Variants in RSF1 observed in about 807,000 individuals in gnomAD.
The protein encoded by RSF1 is remodeling and spacing factor 1, also known as HBV pX-associated protein 8.
A neutral mutation model predicts 145.2 loss-of-function variants in RSF1; 13 were observed. That is an observed-to-expected ratio of 0.09 (90% CI 0.06 to 0.14). RSF1 has a LOEUF of 0.14. Among genes scored for constraint, RSF1 ranks in the 10% least tolerant of loss-of-function variants. The pLI is 1.00. For missense variants in RSF1, 1,517 were observed against 1,718.2 expected (o/e 0.88, Z 2.07); for synonymous variants, 577 against 592.6 (o/e 0.97, Z 0.38).
intron 2 of RSF1, chr11:77,762,710 G>A (rs1360091534): frequency 6.6e-6 from 1 of 152,188 alleles, no homozygotes; most frequent in Non-Finnish European, 1.5e-5. Context: ...GAAGGCTTAG[G>A]TTGGTAATGT....
upstream of RSF1, among the ~76,000 whole-genome samples, chr11:77,821,968 A>C (rs1948928197): frequency 6.6e-6 from 1 of 152,132 alleles, no homozygotes; most frequent in South Asian, 2.1e-4. Flanking sequence ...TACTAGATAA[A>C]TCACAGTAAA....
intron 3 of RSF1, among the ~76,000 whole-genome samples, chr11:77,743,052 C>G (rs1947958667): frequency 6.6e-6 from 1 of 152,148 alleles, no homozygotes; most frequent in Non-Finnish European, 1.5e-5. Flanking sequence ...AACTGACCAT[C>G]AATACATGAG....
chr11:77,755,782 G>T (rs911292024), intron 2 of RSF1, among the ~76,000 whole-genome samples: 17 of 152,052 alleles, frequency 1.1e-4, no homozygotes, highest in African/African-American at 4.1e-4. Context: ...GTTTCACCAT[G>T]TTGGCCAGGC....
At chr11:77,833,232 T>A in the RSF1 span, among the ~76,000 whole-genome samples, 1 of 151,754 alleles carries the variant, frequency 6.6e-6, no homozygotes, top group Non-Finnish European at 1.5e-5. Context: ...GCTGTTTATT[T>A]TTATTATTAT....
Position 77,722,156 on chromosome 11 carries a change from G to A in RSF1, c.733+3389C>T, listed in dbSNP as rs540862888. On this transcript the variant is annotated intron_variant, in intron 5 of 15. Coordinates refer to ENST00000308488, the MANE Select transcript of RSF1 (RefSeq NM_016578.4). ...GATTGCACTACTGCACTCCAGCCCG[G>A]GTGACAGAGTGAGACTGTCTCTAAA... Among the ~76,000 whole-genome samples, 3 of 152,242 alleles carry A rather than the reference G, an allele frequency of 2.0e-5. No individual in the cohort carries two copies. The South Asian group carries it at 6.2e-4, about 32-fold the overall frequency.
intron 1 of RSF1, among the ~76,000 whole-genome samples, chr11:77,820,135 G>C (rs12788491): frequency 6.6e-6 from 1 of 152,162 alleles, no homozygotes. Context: ...GGGAGGAGGA[G>C]AAAAGCGCAA....
At chr11:77,796,635 C>T (rs1336300860) in intron 1 of RSF1, among the ~76,000 whole-genome samples, 1 of 152,174 alleles carries the variant, frequency 6.6e-6, no homozygotes, top group Non-Finnish European at 1.5e-5. Flanking sequence ...TCCTATTCAA[C>T]ATAGTATTGG....
chr11:77,673,534 A>G (rs942231448), intron 14 of RSF1, among the ~76,000 whole-genome samples: 4 of 152,242 alleles, frequency 2.6e-5, no homozygotes, highest in East Asian at 1.9e-4. Context: ...ACTGATCAGA[A>G]TAAGAATCCA....
At position 77,734,858 on chromosome 11, in the gene RSF1, G is replaced by C. The variant is rs560282034; in HGVS notation, c.578+5873C>G. 1.3e-5 allele frequency: 21 copies of C among 1,586,624 alleles called. No individual in the cohort carries two copies. The African/African-American group carries it at 2.7e-4, about 20-fold the overall frequency. On this transcript the variant is annotated intron_variant, in intron 4 of 15. Transcript: ENST00000308488. The stretch of plus-strand genomic sequence containing the variant: ...TCCCTCTCCTCATGAGATTGGTGAA[G>C]AAAGTATTTGGCAAAGTTCTTCAAA...
At chr11:77,736,267 T>C (rs77017136) in intron 4 of RSF1, among the ~76,000 whole-genome samples, 1 of 152,376 alleles carries the variant, frequency 6.6e-6, no homozygotes, top group East Asian at 1.9e-4. Context: ...GCCTTTGAGA[T>C]ATTCTTCTAC....
intron 1 of RSF1, among the ~76,000 whole-genome samples, chr11:77,792,918 GGAT>G (rs1302717800): frequency 1.3e-5 from 2 of 152,060 alleles, no homozygotes; most frequent in African/African-American, 4.8e-5. Flanking sequence ...GGAAGTCAAA[GGAT>G]GATATTTACC....
chr11:77,691,456 C>G (rs1002070969), intron 8 of RSF1, among the ~76,000 whole-genome samples: 1 of 152,136 alleles, frequency 6.6e-6, no homozygotes, highest in Non-Finnish European at 1.5e-5. Context: ...AAACATACAG[C>G]TTTGCCAAAA....
the RSF1 span, among the ~76,000 whole-genome samples, chr11:77,860,792 G>C: frequency 6.6e-6 from 1 of 152,174 alleles, no homozygotes; most frequent in Non-Finnish European, 1.5e-5. Context: ...TTAAGGTCCA[G>C]GACTGTAAAC....
At chr11:77,755,666 GC>G (rs1386414691) in intron 2 of RSF1, among the ~76,000 whole-genome samples, 1 of 151,306 alleles carries the variant, frequency 6.6e-6, no homozygotes, top group Non-Finnish European at 1.5e-5. Flanking sequence ...TGCAACCTCT[GC>G]CCCCCAGGTT....
chr11:77,773,053 T>C (rs2135947050), intron 1 of RSF1, among the ~76,000 whole-genome samples: 1 of 152,228 alleles, frequency 6.6e-6, no homozygotes. Flanking sequence ...CTTGAGGCAT[T>C]ATCCATTTCT....
At chr11:77,707,702 C>T (rs889872986) in intron 5 of RSF1, among the ~76,000 whole-genome samples, 8 of 152,210 alleles carry the variant, frequency 5.3e-5, no homozygotes, top group African/African-American at 1.9e-4. Context: ...TATGCTCATA[C>T]ACTGGTAGTA....
chr11:77,799,780 A>C (rs921539118), intron 1 of RSF1, among the ~76,000 whole-genome samples: 1 of 152,232 alleles, frequency 6.6e-6, no homozygotes, highest in Admixed American at 6.5e-5. Flanking sequence ...CTGATGAAGA[A>C]AAATAGAAGA....
At chr11:77,869,737 C>G in the RSF1 span, 1 of 1,613,586 alleles carries the variant, frequency 6.2e-7, no homozygotes, top group African/African-American at 1.3e-5. Context: ...TCCTGGTGTG[C>G]AGCCTGCAGA....
chr11:77,705,512 C>T (rs561120884), intron 5 of RSF1, among the ~76,000 whole-genome samples: 9 of 152,340 alleles, frequency 5.9e-5, no homozygotes, highest in African/African-American at 1.7e-4. Flanking sequence ...GTAGAAGACA[C>T]TGAGTTGCCT....
Sources: allele counts gnomAD v4.1 joint callset (sites outside exome capture counted in the v4.1 genomes callset), GRCh38; gene constraint gnomAD v4.1.1; transcripts MANE v1.5; gene names NCBI Gene and HGNC (gene_info 2026-07-23, HGNC 2026-07-21).